KLF12: variants seen among roughly 807,000 people sequenced by gnomAD.
KLF12 encodes the protein Krueppel-like factor 12.
KLF12 carries 9 observed loss-of-function variants against 37.8 expected under a neutral mutation model. The observed-to-expected ratio is 0.24, with a 90% CI of 0.14 to 0.42. The LOEUF (loss-of-function observed/expected upper bound fraction) is 0.42, where lower values mean the gene tolerates loss of function less well. KLF12 is among the 10% of genes least tolerant of loss of function. KLF12 has a pLI of 1.00. For synonymous variants in KLF12, 208 were observed against 202.1 expected (o/e 1.03, Z -0.25); for missense variants, 411 against 516.0 (o/e 0.80, Z 1.97).
chr13:73,989,623 G>A (rs906530810), intron 2 of KLF12, among the ~76,000 whole-genome samples: 1 of 152,154 alleles, frequency 6.6e-6, no homozygotes, highest in African/African-American at 2.4e-5. Flanking sequence ...CACAGTATTT[G>A]AAATAACAAA....
chr13:74,051,541 A>G (rs1872927722), intron 1 of KLF12, among the ~76,000 whole-genome samples: 1 of 152,158 alleles, frequency 6.6e-6, no homozygotes, highest in Non-Finnish European at 1.5e-5. Context: ...GTGAAACAGC[A>G]GAGGTGTCTT....
chr13:74,265,049 A>G, the KLF12 span, among the ~76,000 whole-genome samples: 2 of 152,242 alleles, frequency 1.3e-5, no homozygotes, highest in African/African-American at 2.4e-5. Flanking sequence ...AATTTATAAC[A>G]TGAATCTCAT....
intron 2 of KLF12, among the ~76,000 whole-genome samples, chr13:73,981,317 C>G (rs373880831): frequency 6.6e-6 from 1 of 152,084 alleles, no homozygotes; most frequent in Non-Finnish European, 1.5e-5. Flanking sequence ...CACATTTAAA[C>G]GACTCTTCAT....
At chr13:74,175,593 A>G in the KLF12 span, among the ~76,000 whole-genome samples, 1 of 152,130 alleles carries the variant, frequency 6.6e-6, no homozygotes, top group Non-Finnish European at 1.5e-5. Context: ...CCAGGGCCCA[A>G]TATATTTCTT....
chr13:73,736,930 T>C (rs549399188), intron 6 of KLF12, among the ~76,000 whole-genome samples: 1 of 152,354 alleles, frequency 6.6e-6, no homozygotes, highest in South Asian at 2.1e-4. Flanking sequence ...TCAAAAAATT[T>C]AGAGCCATAA....
At chr13:74,287,045 G>T in the KLF12 span, among the ~76,000 whole-genome samples, 1 of 152,134 alleles carries the variant, frequency 6.6e-6, no homozygotes, top group African/African-American at 2.4e-5. Context: ...TCATTACATG[G>T]CTCTTTCCTA....
chr13:73,862,388 T>C (rs922162554), intron 3 of KLF12, among the ~76,000 whole-genome samples: 5 of 152,152 alleles, frequency 3.3e-5, no homozygotes, highest in Non-Finnish European at 7.4e-5. Flanking sequence ...GGTTAAGAAA[T>C]GTGCCAGTGG....
At chr13:74,003,292 C>G (rs1892327647) in intron 1 of KLF12, among the ~76,000 whole-genome samples, 1 of 152,076 alleles carries the variant, frequency 6.6e-6, no homozygotes. Flanking sequence ...AAGAGATGGA[C>G]TGGGTAGTAG....
the KLF12 span, among the ~76,000 whole-genome samples, chr13:74,239,817 T>C: frequency 6.6e-6 from 1 of 152,096 alleles, no homozygotes; most frequent in Non-Finnish European, 1.5e-5. Flanking sequence ...TCCATCCTTT[T>C]ATTTTGAGCC....
chr13:74,276,760 C>T, the KLF12 span, among the ~76,000 whole-genome samples: 1 of 152,180 alleles, frequency 6.6e-6, no homozygotes, highest in Non-Finnish European at 1.5e-5. Context: ...TGTCAGGCTA[C>T]CCCGTTTTCA....
chr13:74,130,466 C>T (rs1485273482), intron 1 of KLF12, among the ~76,000 whole-genome samples: 17 of 152,048 alleles, frequency 1.1e-4, no homozygotes, highest in Admixed American at 1.1e-3. Flanking sequence ...CAGGATCTAG[C>T]CTGGACAACA....
chr13:73,979,398 C>T (rs1040720501), intron 2 of KLF12, among the ~76,000 whole-genome samples: 1 of 146,350 alleles, frequency 6.8e-6, no homozygotes, highest in Non-Finnish European at 1.5e-5. Context: ...CACACACACA[C>T]AAATCATGGA....
At chr13:73,936,499 G>A (rs1037748531) in intron 3 of KLF12, among the ~76,000 whole-genome samples, 1 of 152,080 alleles carries the variant, frequency 6.6e-6, no homozygotes, top group African/African-American at 2.4e-5. Context: ...CCAATACACA[G>A]GAAGATAAGT....
chr13:73,999,132 T>C (rs1892201930), intron 1 of KLF12, among the ~76,000 whole-genome samples: 2 of 152,232 alleles, frequency 1.3e-5, no homozygotes, highest in African/African-American at 4.8e-5. Flanking sequence ...GAATAGTACT[T>C]CACTTTCCAT....
chr13:73,898,256 C>CA (rs760132592), intron 3 of KLF12, among the ~76,000 whole-genome samples: 2 of 152,084 alleles, frequency 1.3e-5, no homozygotes, highest in Non-Finnish European at 2.9e-5. Flanking sequence ...AAACTCCTAA[C>CA]AAAAAATTCA....
At chr13:74,161,500 G>A in the KLF12 span, among the ~76,000 whole-genome samples, 4 of 152,142 alleles carry the variant, frequency 2.6e-5, no homozygotes, top group East Asian at 1.9e-4. Context: ...GGTATGCCAC[G>A]GGGTGCCAGA....
intron 4 of KLF12, among the ~76,000 whole-genome samples, chr13:73,821,884 T>C (rs1188087538): frequency 6.6e-6 from 1 of 152,216 alleles, no homozygotes; most frequent in African/African-American, 2.4e-5. Context: ...TCTAACTACA[T>C]GCATCTCTCC....
At chr13:74,294,633 A>G in the KLF12 span, among the ~76,000 whole-genome samples, 2 of 152,014 alleles carry the variant, frequency 1.3e-5, no homozygotes, top group Non-Finnish European at 2.9e-5. Context: ...TCCCAAAGTG[A>G]TGAGATTACA....
chr13:74,239,912 G>T, the KLF12 span, among the ~76,000 whole-genome samples: 1 of 151,216 alleles, frequency 6.6e-6, no homozygotes, highest in African/African-American at 2.4e-5. Flanking sequence ...GCCAGTCTGT[G>T]TCTTTTAATT....
Sources: gnomAD v4.1 joint callset for allele counts (sites outside exome capture counted in the v4.1 genomes callset) on GRCh38, gnomAD v4.1.1 for gene constraint, MANE v1.5 for transcripts, NCBI Gene and HGNC (gene_info 2026-07-23, HGNC 2026-07-21) for gene names.